The following ANK3 variants were observed in gnomAD, a reference collection of about 807,000 sequenced individuals.
ANK3 encodes the protein ankyrin 3, also known as ankyrin-3.
A neutral mutation model predicts 370.9 loss-of-function variants in ANK3; 57 were observed. The observed-to-expected ratio is 0.15, with a 90% CI of 0.12 to 0.19. ANK3 has a LOEUF of 0.19. Ranked by LOEUF, ANK3 falls within the 10% of genes least tolerant of loss-of-function variation. The pLI is 1.00. For missense variants in ANK3, 4,439 were observed against 5,302.1 expected (o/e 0.84, Z 5.06); for synonymous variants, 1,929 against 1,946.3 (o/e 0.99, Z 0.23).
At chr10:60,119,007 C>A (rs553942698) in intron 25 of ANK3, among the ~76,000 whole-genome samples, 1 of 152,254 alleles carries the variant, frequency 6.6e-6, no homozygotes, top group East Asian at 1.9e-4. Context: ...TGTTGTAACA[C>A]GAACAAATCT....
intron 21 of ANK3, among the ~76,000 whole-genome samples, chr10:60,167,355 A>T (rs1323783189): frequency 6.6e-6 from 1 of 152,208 alleles, no homozygotes; most frequent in East Asian, 1.9e-4. Context: ...TTTAATTCAT[A>T]GGATAAAACA....
At chr10:60,419,626 G>A (rs1166706092) in intron 2 of ANK3, among the ~76,000 whole-genome samples, 2 of 152,156 alleles carry the variant, frequency 1.3e-5, no homozygotes, top group Non-Finnish European at 2.9e-5. Context: ...TATGTTGGAT[G>A]CCCTCTTGGC....
intron 36 of ANK3, among the ~76,000 whole-genome samples, chr10:60,079,652 C>T (rs1188865894): frequency 6.6e-6 from 1 of 152,028 alleles, no homozygotes; most frequent in Non-Finnish European, 1.5e-5. Context: ...GTATAATTTC[C>T]CCTCATTTAA....
chr10:60,126,644 T>A (rs2093772831), intron 25 of ANK3, among the ~76,000 whole-genome samples: 1 of 150,430 alleles, frequency 6.6e-6, no homozygotes, highest in South Asian at 2.1e-4. Flanking sequence ...GCTGAGGTCA[T>A]GCCACTGCAC....
intron 1 of ANK3, among the ~76,000 whole-genome samples, chr10:60,708,259 A>G (rs535981941): frequency 6.6e-6 from 1 of 152,344 alleles, no homozygotes; most frequent in South Asian, 2.1e-4. Context: ...CAGGTAGACA[A>G]TCCTGCCTAC....
chr10:60,387,157 T>A (rs1182670319), intron 1 of ANK3, among the ~76,000 whole-genome samples: 9 of 147,522 alleles, frequency 6.1e-5, no homozygotes, highest in Non-Finnish European at 1.2e-4. Context: ...TGAGACTCCA[T>A]CTCAAAAAAA....
chr10:60,572,570 C>T (rs1011744385), intron 2 of ANK3: 28 of 1,530,026 alleles, frequency 1.8e-5, no homozygotes, highest in Middle Eastern at 1.7e-4. Context: ...CAGATCACCG[C>T]CGGTATTCCA....
intron 2 of ANK3, among the ~76,000 whole-genome samples, chr10:60,556,129 G>T (rs1361640694): frequency 6.6e-6 from 1 of 152,154 alleles, no homozygotes; most frequent in Non-Finnish European, 1.5e-5. Context: ...ATCAACTGAG[G>T]ATGACTGAAC....
intron 4 of ANK3, among the ~76,000 whole-genome samples, chr10:60,270,480 T>A (rs1240915492): frequency 6.6e-6 from 1 of 152,158 alleles, no homozygotes; most frequent in African/African-American, 2.4e-5. Flanking sequence ...TCATAGTTAA[T>A]AGTCCAAGTA....
intron 2 of ANK3, among the ~76,000 whole-genome samples, chr10:60,565,863 T>C (rs570030514): frequency 1.3e-5 from 2 of 152,340 alleles, no homozygotes; most frequent in African/African-American, 4.8e-5. Context: ...CTTTATTTGA[T>C]TCCCTTAACA....
chr10:60,129,163 T>A (rs2093933322), intron 25 of ANK3, among the ~76,000 whole-genome samples: 1 of 152,196 alleles, frequency 6.6e-6, no homozygotes, highest in Non-Finnish European at 1.5e-5. Flanking sequence ...GACATACCAA[T>A]ACACACCAAG....
intron 36 of ANK3, among the ~76,000 whole-genome samples, chr10:60,079,224 CA>C (rs1246392821): frequency 5.3e-5 from 8 of 149,864 alleles, no homozygotes; most frequent in African/African-American, 1.5e-4. Context: ...CACACACACA[CA>C]CCCCTCTTCT....
intron 25 of ANK3, among the ~76,000 whole-genome samples, chr10:60,123,418 C>T (rs766683070): frequency 9.2e-5 from 14 of 152,212 alleles, no homozygotes; most frequent in Non-Finnish European, 1.3e-4. Context: ...ACTGGCCTTA[C>T]AAACAAGGAC....
intron 1 of ANK3, among the ~76,000 whole-genome samples, chr10:60,302,224 TG>T (rs1366047450): frequency 6.6e-6 from 1 of 152,066 alleles, no homozygotes; most frequent in Admixed American, 6.6e-5. Context: ...AAATAGAGCA[TG>T]GAAGGGGGAA....
rs114064305 is a variant in ANK3, at chr10:60,481,068, T to C, written c.96+134118A>G. 3.9e-3 allele frequency among the ~76,000 whole-genome samples: 599 copies of C among 152,316 alleles called. 5 individuals carry two copies. The highest frequency in any genetic ancestry group is 0.027 in the Middle Eastern group (8 of 294). On this transcript the variant is annotated intron_variant, in intron 2 of 43. Coordinates refer to the ANK3 transcript ENST00000373827. ...AATGGCCTCCCTGAGATATTGCATC[T>C]TGTGAATCTCTGACTGAGTAAACAT... is the stretch of plus-strand genomic sequence containing the variant.
chr10:60,371,334 A>C (rs1179414410), intron 1 of ANK3, among the ~76,000 whole-genome samples: 1 of 152,134 alleles, frequency 6.6e-6, no homozygotes, highest in Non-Finnish European at 1.5e-5. Context: ...TACAGTCAGA[A>C]TGGCTATTGT....
intron 2 of ANK3, among the ~76,000 whole-genome samples, chr10:60,461,867 C>A (rs1207372317): frequency 6.6e-6 from 1 of 152,164 alleles, no homozygotes; most frequent in East Asian, 1.9e-4. Context: ...TCTGCAATCA[C>A]CAAGTCAGCA....
At chr10:60,628,365 A>G (rs141819164) in intron 1 of ANK3, among the ~76,000 whole-genome samples, 22 of 152,308 alleles carry the variant, frequency 1.4e-4, no homozygotes, top group Non-Finnish European at 2.8e-4. Context: ...ATTTCTATCA[A>G]ACCCAACATA....
intron 1 of ANK3, among the ~76,000 whole-genome samples, chr10:60,695,957 C>G (rs2079442399): frequency 6.6e-6 from 1 of 150,776 alleles, no homozygotes; most frequent in African/African-American, 2.4e-5. Context: ...ATTAATGAAT[C>G]CAGGAGCTGG....
Sources: allele counts gnomAD v4.1 joint callset (sites outside exome capture counted in the v4.1 genomes callset), GRCh38; gene constraint gnomAD v4.1.1; transcripts MANE v1.5; gene names NCBI Gene and HGNC (gene_info 2026-07-23, HGNC 2026-07-21).